The following GTF2A2 variants were observed in gnomAD, a reference collection of about 807,000 sequenced individuals.
The protein encoded by GTF2A2 is general transcription factor IIA subunit 2, also known as transcription initiation factor IIA subunit 2.
A neutral mutation model predicts 14.3 loss-of-function variants in GTF2A2; 9 were observed. That is an observed-to-expected ratio of 0.63 (90% CI 0.38 to 1.10). The LOEUF (loss-of-function observed/expected upper bound fraction) is 1.10, where lower values mean the gene tolerates loss of function less well. Among genes scored for constraint, GTF2A2 ranks in the 50% least tolerant of loss-of-function variants. The probability of loss-of-function intolerance (pLI) is 0.01; values close to 1 mark genes in which losing one functional copy is unlikely to be tolerated. For synonymous variants in GTF2A2, 56 were observed against 46.0 expected, an observed-to-expected ratio of 1.22 and a Z score of -0.88; for missense variants, 90 against 124.6, an observed-to-expected ratio of 0.72 and a Z score of 1.32.
At chr15:59,656,634 T>C (rs1891951537) in intron 1 of GTF2A2, among the ~76,000 whole-genome samples, 1 of 152,026 alleles carries the variant, frequency 6.6e-6, no homozygotes, top group Non-Finnish European at 1.5e-5. Context: ...GTAAGTATAA[T>C]ATGCGTGTGG....
chr15:59,639,266 G>A, intron 4 of GTF2A2, 109 bp from the exon 5 acceptor site: 1 of 737,768 alleles, frequency 1.4e-6, no homozygotes, highest in Non-Finnish European at 2.5e-6. Context: ...TAATAGTGGT[G>A]GTGGCTTGCA....
chr15:59,646,927 C>G (rs1240087599), intron 3 of GTF2A2, among the ~76,000 whole-genome samples: 1 of 151,320 alleles, frequency 6.6e-6, no homozygotes, highest in Non-Finnish European at 1.5e-5. Context: ...TGCTTTTTCA[C>G]TGATTTGAAA....
chr15:59,649,239 T>C (rs1891717057), intron 3 of GTF2A2, among the ~76,000 whole-genome samples: 1 of 152,232 alleles, frequency 6.6e-6, no homozygotes, highest in Non-Finnish European at 1.5e-5. Flanking sequence ...TGAGTTAGAA[T>C]AGTAGCAGCA....
At chr15:59,640,885 C>T (rs1266010113) in intron 4 of GTF2A2, among the ~76,000 whole-genome samples, 3 of 152,202 alleles carry the variant, frequency 2.0e-5, no homozygotes, top group African/African-American at 7.2e-5. Flanking sequence ...AAAGATGTAT[C>T]TAATGACTAT....
chr15:59,641,058 C>T (rs1017139708), intron 4 of GTF2A2, among the ~76,000 whole-genome samples: 11 of 152,038 alleles, frequency 7.2e-5, no homozygotes, highest in African/African-American at 2.2e-4. Flanking sequence ...TTTTATATAG[C>T]TACTAAAAAT....
intron 3 of GTF2A2, among the ~76,000 whole-genome samples, chr15:59,647,252 C>A (rs532869271): frequency 6.6e-6 from 1 of 152,096 alleles, no homozygotes; most frequent in South Asian, 2.1e-4. Flanking sequence ...ACCATCACAC[C>A]CAGCTACTTT....
chr15:59,652,347 TG>T, intron 1 of GTF2A2, 21 bp from the exon 2 acceptor site: 2 of 817,552 alleles, frequency 2.4e-6, no homozygotes, highest in South Asian at 1.5e-5. Flanking sequence ...AATATAAAAT[TG>T]TTAAAAAAGA....
chr15:59,656,428 C>CTT (rs57474581), intron 1 of GTF2A2, among the ~76,000 whole-genome samples: 49,439 of 148,770 alleles, frequency 0.33, 9,378 homozygotes, highest in Non-Finnish European at 0.46. Context: ...TTATATTTCT[C>CTT]TTTTTTTTTT....
At chr15:59,647,153 C>T (rs1424352802) in intron 3 of GTF2A2, among the ~76,000 whole-genome samples, 1 of 152,144 alleles carries the variant, frequency 6.6e-6, no homozygotes, top group Non-Finnish European at 1.5e-5. Flanking sequence ...AATGCAATGG[C>T]ATGATCATGG....
chr15:59,644,881 G>A (rs1380365798), intron 3 of GTF2A2, among the ~76,000 whole-genome samples: 4 of 152,176 alleles, frequency 2.6e-5, no homozygotes, highest in African/African-American at 9.7e-5. Flanking sequence ...AGGATCTTAA[G>A]CATAAGAGTC....
rs1236912819 is a variant in GTF2A2, at chr15:59,639,356, A to ACAT, written c.305-200_305-199insATG. 8.4e-4 allele frequency among the ~76,000 whole-genome samples: 128 copies of ACAT among 152,168 alleles called. 1 individual carries two copies. Among genetic ancestry groups the ACAT allele is most frequent in the Non-Finnish European group, 1.6e-3 (108 of 68,028 alleles). ...AGTTTCCTTTTAAGCAGAGATACAA[A>ACAT]GATGCTTAGCTCCTCATATTCATAC... On this transcript the variant is annotated intron_variant, in intron 4 of 4. Coordinates refer to ENST00000396060, the MANE Select transcript of GTF2A2 (RefSeq NM_004492.3).
chr15:59,649,583 T>C (rs1891728664), intron 3 of GTF2A2, among the ~76,000 whole-genome samples: 1 of 152,218 alleles, frequency 6.6e-6, no homozygotes, highest in Admixed American at 6.5e-5. Context: ...ATCATTACTG[T>C]TAAAAATTCA....
chr15:59,641,091 C>G (rs182137220), intron 4 of GTF2A2, among the ~76,000 whole-genome samples: 2 of 151,830 alleles, frequency 1.3e-5, no homozygotes, highest in Non-Finnish European at 1.5e-5. Context: ...CAGGGGCTCA[C>G]GCCTGTAATC....
chr15:59,642,763 A>G (rs1891472882), intron 3 of GTF2A2, among the ~76,000 whole-genome samples: 1 of 152,092 alleles, frequency 6.6e-6, no homozygotes. Context: ...ATAATTTTTT[A>G]TACGTTTTCA....
At position 59,641,847 on chromosome 15, in the gene GTF2A2, A is replaced by G. The variant is rs552304190; in HGVS notation, c.304+289T>C. Reference sequence around the variant, plus strand: ...GTAAAAGGTGTCTGAAAAGCCTGATAAACACTTAAAATTTGTAATGGAAAT... The same window carrying G: ...GTAAAAGGTGTCTGAAAAGCCTGATGAACACTTAAAATTTGTAATGGAAAT... On this transcript the variant is annotated intron_variant, in intron 4 of 4. Coordinates refer to ENST00000396060, the MANE Select transcript of GTF2A2 (RefSeq NM_004492.3). 1.6e-4 allele frequency among the ~76,000 whole-genome samples: 25 copies of G among 152,358 alleles called. No individual in the cohort carries two copies. The South Asian group carries it at 1.9e-3, about 11-fold the overall frequency.
intron 3 of GTF2A2, among the ~76,000 whole-genome samples, chr15:59,649,421 G>C (rs1891722089): frequency 6.6e-6 from 1 of 152,152 alleles, no homozygotes; most frequent in East Asian, 1.9e-4. Context: ...AATGCACCTA[G>C]AGGATGACTA....
rs565319348 is a variant in GTF2A2, at chr15:59,646,107, A to T, written c.178-3845T>A. Among the ~76,000 whole-genome samples the T allele has an allele frequency of 2.0e-5, 3 of 151,538 alleles. No homozygotes were observed. In the South Asian group the frequency reaches 6.2e-4, roughly 32 times the overall value. On this transcript the variant is annotated intron_variant, in intron 3 of 4. Transcript: ENST00000396060. ...AGTCTTGCTGTGTTGCCCAGGATGGAGCACAGTGGTGTGATCTTGGCTCAC... is the reference window on the plus strand; with the variant it reads ...AGTCTTGCTGTGTTGCCCAGGATGGTGCACAGTGGTGTGATCTTGGCTCAC...
chr15:59,646,399 A>T (rs1891608337), intron 3 of GTF2A2, among the ~76,000 whole-genome samples: 1 of 151,950 alleles, frequency 6.6e-6, no homozygotes, highest in South Asian at 2.1e-4. Flanking sequence ...ATCCCTCGCC[A>T]CCCTCCCACC....
At chr15:59,646,991 T>G (rs1177700157) in intron 3 of GTF2A2, among the ~76,000 whole-genome samples, 2 of 150,564 alleles carry the variant, frequency 1.3e-5, no homozygotes, top group Non-Finnish European at 3.0e-5. Context: ...TTTATATATA[T>G]GTATATACTA....
Sources: allele counts gnomAD v4.1 joint callset (sites outside exome capture counted in the v4.1 genomes callset), GRCh38; gene constraint gnomAD v4.1.1; transcripts MANE v1.5; gene names NCBI Gene and HGNC (gene_info 2026-07-23, HGNC 2026-07-21).